The following WWC2 variants were observed in gnomAD, a reference collection of about 807,000 sequenced individuals.
The protein encoded by WWC2 is protein WWC2.
Under a neutral mutation model 138.5 loss-of-function variants are expected in WWC2, and 101 were observed. The observed-to-expected ratio is 0.73, with a 90% CI of 0.62 to 0.86. WWC2 has a LOEUF of 0.86. Among genes scored for constraint, WWC2 ranks in the 40% least tolerant of loss-of-function variants. The pLI is 0.00. For missense variants in WWC2, 1,420 were observed against 1,419.4 expected (o/e 1.00, Z -0.01); for synonymous variants, 558 against 538.4 (o/e 1.04, Z -0.50).
chr4:183,278,761 C>A lies in WWC2; in HGVS notation c.2563-2015C>A, dbSNP rs1224828033. ...AGCAATTGTGAATGGGAATTCACTC[C>A]TGATTTGGCTCTCTGTTTGTCTGTT... On this transcript the variant is annotated intron_variant, in intron 16 of 22. Coordinates refer to ENST00000403733, the MANE Select transcript of WWC2 (RefSeq NM_024949.6). 3.5e-3 allele frequency among the ~76,000 whole-genome samples: 524 copies of A among 151,500 alleles called. 3 individuals are homozygous for A. Among genetic ancestry groups the A allele is most frequent in the African/African-American group, 0.012 (498 of 41,050 alleles).
intron 1 of WWC2, among the ~76,000 whole-genome samples, chr4:183,187,941 G>GGGCTAAAT (rs1193281712): frequency 3.3e-5 from 5 of 151,870 alleles, no homozygotes; most frequent in Admixed American, 6.6e-5. Flanking sequence ...GTTGTTATTA[G>GGGCTAAAT]GGCTAAATGA....
At chr4:183,312,230 C>T (rs1739274797) in intron 21 of WWC2, 111 bp from the exon 22 acceptor site, 2 of 1,478,786 alleles carry the variant, frequency 1.4e-6, no homozygotes, top group Non-Finnish European at 1.8e-6. Context: ...CACTGGCTGC[C>T]TTGCTTGCCC....
intron 20 of WWC2, among the ~76,000 whole-genome samples, chr4:183,286,569 A>C (rs1017597202): frequency 6.6e-6 from 1 of 152,232 alleles, no homozygotes; most frequent in African/African-American, 2.4e-5. Context: ...GGGTCTCTGC[A>C]TGAGCCTTAA....
At chr4:183,140,504 T>C (rs918129387) in intron 1 of WWC2, among the ~76,000 whole-genome samples, 5 of 152,192 alleles carry the variant, frequency 3.3e-5, no homozygotes, top group Admixed American at 1.3e-4. Flanking sequence ...GTGCTGCCAA[T>C]AGATAAAGAC....
At position 183,266,049 on chromosome 4, in the gene WWC2, G is replaced by A. The variant is rs766481436; in HGVS notation, c.2207+98G>A. The A allele has an allele frequency of 2.5e-4, 291 of 1,170,222 alleles. 1 individual carries two copies. Among genetic ancestry groups the A allele is most frequent in the Non-Finnish European group, 3.4e-4 (279 of 821,692 alleles). The allele number at this position is 1,170,222 out of a possible 1,614,324, so 72.5% of individuals were successfully genotyped here. On this transcript the variant is annotated intron_variant, in intron 14 of 22. Coordinates refer to ENST00000403733, the MANE Select transcript of WWC2 (RefSeq NM_024949.6). ...ATACAGTTCATCAAAATGAAGATAC[G>A]GAAAAGACATAGCAGGGCTGATCAT...
chr4:183,161,944 C>T (rs1230340289), intron 1 of WWC2, among the ~76,000 whole-genome samples: 1 of 152,028 alleles, frequency 6.6e-6, no homozygotes, highest in Non-Finnish European at 1.5e-5. Context: ...CTCATAGGAA[C>T]GTAGTGAGGG....
In WWC2 at chr4:183,271,076, A is replaced by T. The variant is rs755907598; in HGVS notation, c.2401-4A>T. The stretch of plus-strand genomic sequence containing the variant: ...TTTTTCTTTGTTTTCTTTCACTTAC[A>T]TAGGCTGGAACTCAGATCAGCCTGG... On this transcript the variant is annotated splice_region_variant and splice_polypyrimidine_tract_variant and intron_variant, in intron 15 of 22. Transcript: ENST00000403733. 2 of 1,542,012 alleles carry T rather than the reference A, an allele frequency of 1.3e-6. No homozygotes were observed. The highest frequency in any genetic ancestry group is 2.0e-5 in the Admixed American group (1 of 49,228).
At position 183,284,320 on chromosome 4, in the gene WWC2, T is replaced by C. The variant is rs1240445611; in HGVS notation, c.2978T>C (p.Phe993Ser). The C allele has an allele frequency of 6.2e-7, 1 of 1,613,994 alleles. No individual in the cohort carries two copies. Among genetic ancestry groups the C allele is most frequent in the South Asian group, 1.1e-5 (1 of 91,086 alleles). The change falls in exon 19 of 23, where the codon TTT becomes TCT. Residue 993 changes from phenylalanine (F) to serine (S), a missense_variant. Phe to Ser is a radical substitution (Grantham distance 155). Transcript: ENST00000403733. ...RSSLSSRQHP[F>S]VRSSVIVRSQ... is the part of the protein sequence containing the mutation. Reference sequence around the variant, plus strand: ...AGCCTGAGCTCTAGACAGCATCCGTTTGTGAGGAGCAGTGTGATAGTGCGC... The same window carrying C: ...AGCCTGAGCTCTAGACAGCATCCGTCTGTGAGGAGCAGTGTGATAGTGCGC...
chr4:183,178,916 C>T (rs1383870967), intron 1 of WWC2, among the ~76,000 whole-genome samples: 3 of 152,162 alleles, frequency 2.0e-5, no homozygotes, highest in Non-Finnish European at 2.9e-5. Context: ...TTGTCAGTAT[C>T]TAACTTAGGG....
At chr4:183,276,903 A>G (rs377131384) in intron 16 of WWC2, among the ~76,000 whole-genome samples, 1 of 151,948 alleles carries the variant, frequency 6.6e-6, no homozygotes, top group Admixed American at 6.6e-5. Flanking sequence ...ATTGTCATCT[A>G]GCTTCCATTG....
intron 21 of WWC2, among the ~76,000 whole-genome samples, chr4:183,290,496 G>A (rs1197699751): frequency 6.7e-6 from 1 of 148,370 alleles, no homozygotes; most frequent in Non-Finnish European, 1.5e-5. Flanking sequence ...CAGCCTGGGC[G>A]ACAGAGTGAG....
At position 183,318,615 on chromosome 4, in the gene WWC2, G is replaced by A. The variant is rs908065666; in HGVS notation, c.*2886G>A. 6.6e-6 allele frequency: 1 copy of A among 151,996 alleles called. No homozygotes were observed. Among genetic ancestry groups the A allele is most frequent in the Non-Finnish European group, 1.5e-5 (1 of 67,966 alleles). The allele number at this position is 151,996 out of a possible 1,614,324, so 9.4% of individuals were successfully genotyped here. On this transcript the variant is annotated 3_prime_UTR_variant, in exon 23 of 23. Transcript: ENST00000403733. Reference sequence around the variant, plus strand: ...AGAGTTTCCTTGAACCATGTACCAAGCAAATACAAAATATTTCATGAAGAA... The same window carrying A: ...AGAGTTTCCTTGAACCATGTACCAAACAAATACAAAATATTTCATGAAGAA...
intron 4 of WWC2, among the ~76,000 whole-genome samples, chr4:183,216,286 T>G (rs1289300663): frequency 6.6e-6 from 1 of 152,180 alleles, no homozygotes; most frequent in East Asian, 1.9e-4. Flanking sequence ...TTCTACTTAA[T>G]GAAGGCATCA....
chr4:183,283,456 C>G (rs1330970379), intron 18 of WWC2, among the ~76,000 whole-genome samples: 5 of 152,200 alleles, frequency 3.3e-5, no homozygotes, highest in Admixed American at 3.3e-4. Flanking sequence ...TGGATGCTCA[C>G]ACACTGGGGA....
chr4:183,304,573 G>A (rs2111107275), intron 21 of WWC2, among the ~76,000 whole-genome samples: 1 of 152,202 alleles, frequency 6.6e-6, no homozygotes, highest in Admixed American at 6.5e-5. Context: ...ACTGACTTTG[G>A]TAAGGGAAAT....
intron 1 of WWC2, among the ~76,000 whole-genome samples, chr4:183,178,216 C>A (rs752616025): frequency 6.6e-6 from 1 of 151,948 alleles, no homozygotes; most frequent in South Asian, 2.1e-4. Flanking sequence ...TATTTTGTCT[C>A]TAAATGTAAC....
At chr4:183,207,681 T>C (rs1010372948) in intron 2 of WWC2, among the ~76,000 whole-genome samples, 1 of 152,180 alleles carries the variant, frequency 6.6e-6, no homozygotes, top group African/African-American at 2.4e-5. Context: ...CTGTAGGCAC[T>C]GGGGAGCCAC....
intron 17 of WWC2, chr4:183,281,274 A>G: frequency 3.7e-6 from 1 of 270,584 alleles, no homozygotes; most frequent in Non-Finnish European, 6.9e-6. Flanking sequence ...TTTAGGCTCT[A>G]GTAAGACAAA....
intron 1 of WWC2, among the ~76,000 whole-genome samples, chr4:183,189,045 G>T (rs1734906681): frequency 6.6e-6 from 1 of 152,024 alleles, no homozygotes; most frequent in African/African-American, 2.4e-5. Context: ...AATTTTTCTT[G>T]AAAGCCATTT....
Sources: allele counts gnomAD v4.1 joint callset (sites outside exome capture counted in the v4.1 genomes callset), GRCh38; gene constraint gnomAD v4.1.1; transcripts MANE v1.5; gene names NCBI Gene and HGNC (gene_info 2026-07-23, HGNC 2026-07-21).